BAZ2B: variants seen among roughly 807,000 people sequenced by gnomAD.
BAZ2B encodes the protein bromodomain adjacent to zinc finger domain protein 2B.
BAZ2B carries 91 observed loss-of-function variants against 246.0 expected under a neutral mutation model. That is an observed-to-expected ratio of 0.37 (90% CI 0.31 to 0.44). BAZ2B has a LOEUF of 0.44. BAZ2B is among the 20% of genes least tolerant of loss of function. The probability of loss-of-function intolerance (pLI) is 1.00; values close to 1 mark genes in which losing one functional copy is unlikely to be tolerated. For synonymous variants in BAZ2B, 855 were observed against 860.0 expected (o/e 0.99, Z 0.10); for missense variants, 2,332 against 2,533.7 (o/e 0.92, Z 1.71).
Position 159,438,551 on chromosome 2 carries a change from C to G in BAZ2B, c.1045G>C (p.Val349Leu). The change falls in exon 8 of 37, where the codon GTT (valine) becomes CTT (leucine). Residue 349 changes from valine (V) to leucine (L), a missense_variant. Coordinates refer to ENST00000392783, the MANE Select transcript of BAZ2B (RefSeq NM_013450.4). ...SFQSQQKQPQVLSQQLPFIFQ... is the reference protein window; with the variant it reads ...SFQSQQKQPQLLSQQLPFIFQ... ...ATAAATGGAAGCTGCTGTGACAAAA[C>G]CTGAGGCTGCTTCTGCTGGGATTGG... 6.2e-7 allele frequency: 1 copy of G among 1,614,108 alleles called. No homozygotes were observed. Among genetic ancestry groups the G allele is most frequent in the Non-Finnish European group, 8.5e-7 (1 of 1,180,006 alleles).
chr2:159,658,829 T>C, the BAZ2B span, among the ~76,000 whole-genome samples: 9 of 152,212 alleles, frequency 5.9e-5, no homozygotes, highest in African/African-American at 2.2e-4. Flanking sequence ...AAATTTTATT[T>C]GTATTGAACA....
chr2:159,462,388 A>G, intron 3 of BAZ2B: 2 of 1,228,074 alleles, frequency 1.6e-6, no homozygotes, highest in South Asian at 2.5e-5. Flanking sequence ...TCCTACATTC[A>G]GCCTTTAGGC....
At chr2:159,708,519 T>C in the BAZ2B span, among the ~76,000 whole-genome samples, 2 of 151,948 alleles carry the variant, frequency 1.3e-5, no homozygotes, top group Admixed American at 6.6e-5. Flanking sequence ...TTCAAGATGG[T>C]ATTCTCTTTA....
intron 3 of BAZ2B, among the ~76,000 whole-genome samples, chr2:159,477,172 G>A (rs977232087): frequency 3.3e-5 from 5 of 152,080 alleles, no homozygotes. Flanking sequence ...AGGTGTGGTG[G>A]TGGGCACCTG....
intron 2 of BAZ2B, among the ~76,000 whole-genome samples, chr2:159,555,264 T>C (rs759708443): frequency 2.3e-4 from 35 of 152,034 alleles, no homozygotes; most frequent in Non-Finnish European, 4.4e-4. Context: ...GCTATTTTTG[T>C]ATTTTTAGTA....
At chr2:159,550,689 C>A (rs548553913) in intron 2 of BAZ2B, among the ~76,000 whole-genome samples, 1 of 152,180 alleles carries the variant, frequency 6.6e-6, no homozygotes, top group African/African-American at 2.4e-5. Context: ...AATTTACTAG[C>A]TAACACCAGT....
chr2:159,506,067 G>A (rs1477584686), intron 2 of BAZ2B, among the ~76,000 whole-genome samples: 1 of 152,128 alleles, frequency 6.6e-6, no homozygotes, highest in African/African-American at 2.4e-5. Context: ...CTTTCCAAGA[G>A]TCTTCTGCCC....
intron 8 of BAZ2B, chr2:159,435,472 C>CA (rs2072074713): frequency 6.6e-6 from 1 of 152,320 alleles, no homozygotes; most frequent in South Asian, 2.1e-4. Context: ...TCTCCTGCCT[C>CA]AGCCTCCTGA....
At chr2:159,634,800 G>C in the BAZ2B span, among the ~76,000 whole-genome samples, 1 of 152,184 alleles carries the variant, frequency 6.6e-6, no homozygotes, top group African/African-American at 2.4e-5. Flanking sequence ...AAATGTCACT[G>C]AGTTTTGTTT....
chr2:159,368,319 C>T (rs2060446762), intron 27 of BAZ2B, among the ~76,000 whole-genome samples: 2 of 152,172 alleles, frequency 1.3e-5, no homozygotes, highest in Non-Finnish European at 2.9e-5. Context: ...TCCCAAAGTG[C>T]TAGGATTACA....
intron 2 of BAZ2B, among the ~76,000 whole-genome samples, chr2:159,546,040 G>A (rs959951689): frequency 1.3e-5 from 2 of 152,098 alleles, no homozygotes; most frequent in African/African-American, 4.8e-5. Context: ...CAATGTTTTT[G>A]TGAAAATGAA....
chr2:159,580,339 C>T (rs2151627700), intron 1 of BAZ2B, among the ~76,000 whole-genome samples: 1 of 152,156 alleles, frequency 6.6e-6, no homozygotes, highest in Non-Finnish European at 1.5e-5. Context: ...AATAAAATAC[C>T]TAGGAATCCA....
intron 1 of BAZ2B, among the ~76,000 whole-genome samples, chr2:159,584,108 G>C (rs1453026642): frequency 6.7e-6 from 1 of 149,140 alleles, no homozygotes. Context: ...AACACAGGAG[G>C]GATGTAATCT....
Position 159,319,136 on chromosome 2 carries a change from C to T in BAZ2B, c.*1129G>A, listed in dbSNP as rs1363010524. 1 of 152,574 alleles carries T rather than the reference C, an allele frequency of 6.6e-6. No individual in the cohort carries two copies. The highest frequency in any genetic ancestry group is 1.9e-4 in the East Asian group (1 of 5,194). The allele number at this position is 152,574 out of a possible 1,614,324, so 9.5% of individuals were successfully genotyped here. A position where few individuals can be genotyped will look rare whatever the true frequency, so the allele number is the denominator to read the frequency against. On this transcript the variant is annotated 3_prime_UTR_variant, in exon 37 of 37. Transcript: ENST00000392783. This position sits in a 1 kb window ranked among gnomAD's most constrained non-coding sequence, Gnocchi z 4.0. ...AAAAATCTGATCTATTTGCCTCCAA[C>T]AGGCCACCACAACACACAGTAGATA...
At position 159,446,315 on chromosome 2, in the gene BAZ2B, G is replaced by A. The variant is rs191238198; in HGVS notation, c.696+467C>T. On this transcript the variant is annotated intron_variant, in intron 6 of 36. Coordinates refer to ENST00000392783, the MANE Select transcript of BAZ2B (RefSeq NM_013450.4). ...CATGAAATAAAACTGGCCATGATGC[G>A]ACAACTGTTGAAGCTGAATAATAGG... Among the ~76,000 whole-genome samples the A allele has an allele frequency of 5.3e-5, 8 of 152,258 alleles. No homozygotes were observed. The East Asian group carries it at 1.2e-3, about 22-fold the overall frequency.
intron 8 of BAZ2B, chr2:159,434,920 C>G (rs1481504431): frequency 6.6e-6 from 1 of 151,968 alleles, no homozygotes; most frequent in East Asian, 1.9e-4. Context: ...CCCTTGAAAA[C>G]AACACAATCA....
At chr2:159,439,427 T>C (rs986845447) in intron 6 of BAZ2B, among the ~76,000 whole-genome samples, 2 of 152,228 alleles carry the variant, frequency 1.3e-5, no homozygotes, top group South Asian at 2.1e-4. Flanking sequence ...CTCTGTCATG[T>C]AGAATATTGA....
intron 2 of BAZ2B, among the ~76,000 whole-genome samples, chr2:159,483,204 C>T (rs918427072): frequency 6.6e-6 from 1 of 151,918 alleles, no homozygotes; most frequent in Non-Finnish European, 1.5e-5. Flanking sequence ...ATAACTTGGT[C>T]ATTTTTTTTT....
At chr2:159,345,929 C>G (rs2149090593) in intron 31 of BAZ2B, among the ~76,000 whole-genome samples, 1 of 152,256 alleles carries the variant, frequency 6.6e-6, no homozygotes, top group Admixed American at 6.5e-5. Context: ...TAAGTTAAAT[C>G]AGGCTTTTTA....
Sources: allele counts gnomAD v4.1 joint callset (sites outside exome capture counted in the v4.1 genomes callset), GRCh38; gene constraint gnomAD v4.1.1; non-coding constraint Gnocchi (gnomAD v3.1); transcripts MANE v1.5; gene names NCBI Gene and HGNC (gene_info 2026-07-23, HGNC 2026-07-21).